The following PTPRD variants were observed in gnomAD, a reference collection of about 807,000 sequenced individuals.
The protein encoded by PTPRD is receptor-type tyrosine-protein phosphatase delta.
In PTPRD, 34 loss-of-function variants were observed where a neutral mutation model predicts 214.5. That is an observed-to-expected ratio of 0.16 (90% CI 0.12 to 0.21). The LOEUF is 0.21. Among genes scored for constraint, PTPRD ranks in the 10% least tolerant of loss-of-function variants. The pLI is 1.00. For synonymous variants in PTPRD, 1,128 were observed against 845.7 expected, an observed-to-expected ratio of 1.33 and a Z score of -5.79; for missense variants, 2,545 against 2,398.7, an observed-to-expected ratio of 1.06 and a Z score of -1.27.
At chr9:9,369,513 T>G (rs10977685) in intron 9 of PTPRD, among the ~76,000 whole-genome samples, 1 of 152,044 alleles carries the variant, frequency 6.6e-6, no homozygotes, top group Admixed American at 6.6e-5. Context: ...GATATTAGCC[T>G]TTTGTCAGAT....
At chr9:8,561,443 G>C (rs1315037135) in intron 14 of PTPRD, among the ~76,000 whole-genome samples, 1 of 152,028 alleles carries the variant, frequency 6.6e-6, no homozygotes, top group Non-Finnish European at 1.5e-5. Flanking sequence ...CATTTTTCTT[G>C]GACGCAGGAT....
chr9:8,529,500 T>C (rs970281847), intron 14 of PTPRD, among the ~76,000 whole-genome samples: 1 of 152,150 alleles, frequency 6.6e-6, no homozygotes, highest in Admixed American at 6.6e-5. Flanking sequence ...CTTTCCTCCA[T>C]CCCAAAGATC....
intron 8 of PTPRD, among the ~76,000 whole-genome samples, chr9:9,487,478 G>A (rs1235344515): frequency 9.9e-5 from 15 of 152,030 alleles, no homozygotes; most frequent in South Asian, 2.1e-4. Flanking sequence ...TATTTGGGTC[G>A]GTTCCAAGTC....
At chr9:8,841,577 A>G (rs1223939184) in intron 11 of PTPRD, among the ~76,000 whole-genome samples, 2 of 152,214 alleles carry the variant, frequency 1.3e-5, no homozygotes, top group Non-Finnish European at 2.9e-5. Context: ...TGTTAAAGCT[A>G]TAAACACTGC....
At chr9:8,782,837 G>A (rs930724198) in intron 11 of PTPRD, among the ~76,000 whole-genome samples, 5 of 151,952 alleles carry the variant, frequency 3.3e-5, no homozygotes, top group African/African-American at 4.8e-5. Flanking sequence ...CTCGTGATCT[G>A]CCCTCCTTGG....
chr9:10,463,332 A>C lies in PTPRD; in HGVS notation c.-599-122315T>G, dbSNP rs2098971877. Among the ~76,000 whole-genome samples, 3 of 152,158 alleles carry C rather than the reference A, an allele frequency of 2.0e-5. No homozygotes were observed. In the South Asian group the frequency reaches 6.2e-4, roughly 31 times the overall value. ...GCTCAAATATGTATCTGCTTACCAG[A>C]AGTTAAGCAGATGATACATATAAAA... On this transcript the variant is annotated intron_variant, in intron 2 of 45. Transcript: ENST00000381196.
rs576944846 is a variant in PTPRD, at chr9:9,282,207, A to G, written c.-202-98844T>C. On this transcript the variant is annotated intron_variant, in intron 9 of 45. Coordinates refer to ENST00000381196, the MANE Select transcript of PTPRD (RefSeq NM_002839.4). ...GCCATTATACATTTTTTCAAAACCC[A>G]TAGAATGCAGACATCCAAAGTTGGG... Among the ~76,000 whole-genome samples the G allele has an allele frequency of 5.9e-5, 9 of 151,366 alleles. No individual in the cohort carries two copies. In the East Asian group the frequency reaches 1.6e-3, roughly 26 times the overall value.
intron 5 of PTPRD, among the ~76,000 whole-genome samples, chr9:9,908,303 T>C (rs2078183176): frequency 6.6e-6 from 1 of 151,904 alleles, no homozygotes; most frequent in African/African-American, 2.4e-5. Flanking sequence ...ACTAATAGTA[T>C]CAATAGCTGG....
intron 14 of PTPRD, among the ~76,000 whole-genome samples, chr9:8,602,520 A>G (rs1028151391): frequency 6.7e-6 from 1 of 150,150 alleles, no homozygotes; most frequent in African/African-American, 2.4e-5. Context: ...AAAAGACAAT[A>G]TACAAACAAA....
intron 9 of PTPRD, among the ~76,000 whole-genome samples, chr9:9,208,016 T>C (rs1225113251): frequency 8.2e-6 from 1 of 121,280 alleles, no homozygotes; most frequent in East Asian, 2.7e-4. Context: ...TTCATATATA[T>C]CTGCTTTTTT....
At chr9:9,946,033 G>A (rs188777352) in intron 4 of PTPRD, among the ~76,000 whole-genome samples, 91 of 152,254 alleles carry the variant, frequency 6.0e-4, no homozygotes, top group East Asian at 4.3e-3. Flanking sequence ...TAGAACTTGA[G>A]GAAGCCTTTT....
chr9:9,940,458 A>G (rs140119421), intron 4 of PTPRD, among the ~76,000 whole-genome samples: 13 of 152,254 alleles, frequency 8.5e-5, no homozygotes, highest in African/African-American at 3.1e-4. Flanking sequence ...GATCCAGCTA[A>G]CACTCTTATG....
At chr9:9,674,144 G>A (rs1200748937) in intron 7 of PTPRD, among the ~76,000 whole-genome samples, 1 of 151,678 alleles carries the variant, frequency 6.6e-6, no homozygotes, top group East Asian at 1.9e-4. Context: ...TTGATTTGGG[G>A]AGTTAAAAAT....
intron 11 of PTPRD, 55 bp from the exon 12 acceptor site, chr9:8,734,001 T>C (rs2098689735): frequency 1.5e-6 from 1 of 664,404 alleles, no homozygotes; most frequent in Admixed American, 2.4e-5. Flanking sequence ...AGTGCTTAGA[T>C]TTCTTACTCT....
At chr9:8,811,701 A>C (rs1456891417) in intron 11 of PTPRD, among the ~76,000 whole-genome samples, 1 of 152,082 alleles carries the variant, frequency 6.6e-6, no homozygotes, top group African/African-American at 2.4e-5. Context: ...GTGCTTTTTC[A>C]TATCACTGAA....
At chr9:8,633,565 G>C in intron 13 of PTPRD, 107 bp from the exon 14 acceptor site, 1 of 1,291,822 alleles carries the variant, frequency 7.7e-7, no homozygotes, top group South Asian at 1.4e-5. Context: ...TAATAAACTA[G>C]GCATCATTCT....
rs537572358 is a variant in PTPRD at position 9,428,619 on chromosome 9, C to T, written c.-236-31137G>A. 4.6e-5 allele frequency among the ~76,000 whole-genome samples: 7 copies of T among 152,278 alleles called. No homozygotes were observed. The East Asian group carries it at 5.8e-4, about 13-fold the overall frequency. ...ATATACATTCTTCTCAGCACCATGT[C>T]GCACTTATTCCAAAACTGACCACAT... On this transcript the variant is annotated intron_variant, in intron 8 of 45. Transcript: ENST00000381196.
Position 9,756,198 on chromosome 9 carries a change from T to C in PTPRD, c.-326+10612A>G, listed in dbSNP as rs145686355. Among the ~76,000 whole-genome samples the C allele has an allele frequency of 5.0e-3, 765 of 152,190 alleles. 9 individuals are homozygous for C. Among genetic ancestry groups the C allele is most frequent in the African/African-American group, 0.018 (742 of 41,548 alleles). On this transcript the variant is annotated intron_variant, in intron 6 of 45. Transcript: ENST00000381196. ...GACGAACGACAGAGATGAACATAAA[T>C]TCTAACTCTGAGTCTTCTGGAGCAC...
chr9:8,732,498 T>A (rs1291641679), intron 12 of PTPRD, among the ~76,000 whole-genome samples: 1 of 152,222 alleles, frequency 6.6e-6, no homozygotes, highest in Non-Finnish European at 1.5e-5. Context: ...AGCTTTGACA[T>A]AAATGGCTTT....
Sources: allele counts gnomAD v4.1 joint callset (sites outside exome capture counted in the v4.1 genomes callset), GRCh38; gene constraint gnomAD v4.1.1; transcripts MANE v1.5; gene names NCBI Gene and HGNC (gene_info 2026-07-23, HGNC 2026-07-21).